UNC5D: variants seen among roughly 807,000 people sequenced by gnomAD.
The protein encoded by UNC5D is unc-5 netrin receptor D, also known as netrin receptor UNC5D.
In UNC5D, 39 loss-of-function variants were observed where a neutral mutation model predicts 105.4. The ratio of observed to expected loss-of-function variants is 0.37; its 90% confidence interval spans 0.29 to 0.48. The LOEUF is 0.48. Among genes scored for constraint, UNC5D ranks in the 20% least tolerant of loss-of-function variants. UNC5D has a pLI of 0.98. For synonymous variants in UNC5D, 452 were observed against 450.4 expected, an observed-to-expected ratio of 1.00 and a Z score of -0.04; for missense variants, 991 against 1,202.4, an observed-to-expected ratio of 0.82 and a Z score of 2.60.
intron 1 of UNC5D, among the ~76,000 whole-genome samples, chr8:35,413,278 TG>T: frequency 4.8e-5 from 1 of 20,950 alleles, no homozygotes; most frequent in African/African-American, 9.6e-5. Context: ...TGTGTGTGTG[TG>T]TGTGTGTGTG....
chr8:35,304,014 C>G (rs565844084), intron 1 of UNC5D, among the ~76,000 whole-genome samples: 1 of 152,180 alleles, frequency 6.6e-6, no homozygotes, highest in East Asian at 1.9e-4. Flanking sequence ...GACTGCATTT[C>G]TCAAAGGGAC....
chr8:35,521,688 G>C (rs896167317), intron 1 of UNC5D, among the ~76,000 whole-genome samples: 2 of 152,090 alleles, frequency 1.3e-5, no homozygotes, highest in Non-Finnish European at 2.9e-5. Context: ...TTGTTTGGTG[G>C]GAATTTCAAT....
chr8:35,594,294 G>C (rs2130896360), intron 3 of UNC5D, among the ~76,000 whole-genome samples: 1 of 152,318 alleles, frequency 6.6e-6, no homozygotes, highest in Middle Eastern at 3.4e-3. Context: ...TACATGGCTT[G>C]CCGTGCTTGT....
intron 1 of UNC5D, among the ~76,000 whole-genome samples, chr8:35,246,776 G>C (rs952325431): frequency 6.6e-6 from 1 of 152,038 alleles, no homozygotes; most frequent in South Asian, 2.1e-4. Flanking sequence ...GGAGCCAGTT[G>C]GTCCTCATTT....
intron 1 of UNC5D, among the ~76,000 whole-genome samples, chr8:35,313,906 A>G (rs1809085323): frequency 6.6e-6 from 1 of 152,174 alleles, no homozygotes; most frequent in Admixed American, 6.5e-5. Flanking sequence ...CATTATTTTA[A>G]CTTTTGTTAA....
chr8:35,450,654 G>T (rs78428535), intron 1 of UNC5D, among the ~76,000 whole-genome samples: 1,618 of 152,202 alleles, frequency 0.011, 34 homozygotes, highest in African/African-American at 0.036. Flanking sequence ...ACGGTAATCT[G>T]CATTTTCCTC....
intron 1 of UNC5D, among the ~76,000 whole-genome samples, chr8:35,534,001 C>G (rs545314303): frequency 6.7e-6 from 1 of 149,838 alleles, no homozygotes; most frequent in Admixed American, 6.9e-5. Flanking sequence ...AGAAATCACC[C>G]GTCTTCTGCG....
intron 1 of UNC5D, among the ~76,000 whole-genome samples, chr8:35,444,121 TTCG>T (rs1481179654): frequency 1.3e-5 from 2 of 152,022 alleles, no homozygotes; most frequent in African/African-American, 4.8e-5. Context: ...TCTCTGAATG[TTCG>T]TCCTCCATAC....
chr8:35,357,220 T>C (rs1035391230), intron 1 of UNC5D, among the ~76,000 whole-genome samples: 1 of 152,188 alleles, frequency 6.6e-6, no homozygotes, highest in Non-Finnish European at 1.5e-5. Context: ...TCAGCTTAAA[T>C]TCCTTTAATT....
chr8:35,641,351 GA>G (rs1219579819), intron 4 of UNC5D, among the ~76,000 whole-genome samples: 5 of 4,588 alleles, frequency 1.1e-3, no homozygotes, highest in South Asian at 4.9e-3. Flanking sequence ...TGCCAAACAA[GA>G]AAAAAAAATA....
At chr8:35,287,595 A>G (rs1563282054) in intron 1 of UNC5D, among the ~76,000 whole-genome samples, 1 of 151,700 alleles carries the variant, frequency 6.6e-6, no homozygotes, top group Non-Finnish European at 1.5e-5. Context: ...GGAGTTCAAG[A>G]CCAGACTAAG....
intron 1 of UNC5D, among the ~76,000 whole-genome samples, chr8:35,535,585 A>G (rs1306461592): frequency 1.3e-5 from 2 of 152,030 alleles, no homozygotes; most frequent in Non-Finnish European, 2.9e-5. Flanking sequence ...AAGAGCATCC[A>G]GGTCTCTAGA....
At chr8:35,401,162 A>G (rs1050508319) in intron 1 of UNC5D, among the ~76,000 whole-genome samples, 4 of 152,162 alleles carry the variant, frequency 2.6e-5, no homozygotes, top group South Asian at 2.1e-4. Context: ...AGATACTGCT[A>G]TAAAAAACAA....
At chr8:35,456,925 A>G (rs1395597129) in intron 1 of UNC5D, among the ~76,000 whole-genome samples, 1 of 152,182 alleles carries the variant, frequency 6.6e-6, no homozygotes, top group Non-Finnish European at 1.5e-5. Flanking sequence ...CTCCCTTTTA[A>G]CTTAGCAGCT....
intron 11 of UNC5D, among the ~76,000 whole-genome samples, chr8:35,742,842 G>A (rs940412673): frequency 1.3e-5 from 2 of 152,188 alleles, no homozygotes; most frequent in Admixed American, 6.5e-5. Flanking sequence ...GATGGGTGCT[G>A]TAGGATGTTA....
rs188194112 is a variant in UNC5D at position 35,599,437 on chromosome 8, G to A, written c.570+3780G>A. On this transcript the variant is annotated intron_variant, in intron 4 of 16. Transcript: ENST00000404895. ...ATTATTTAGCCTTATTTAGCCATTC[G>A]ACAGTACACACATATTTCAAAACAT... Among the ~76,000 whole-genome samples the A allele has an allele frequency of 6.6e-3, 1,001 of 152,162 alleles. 6 individuals are homozygous for A. Among genetic ancestry groups the A allele is most frequent in the Non-Finnish European group, 9.6e-3 (655 of 68,010 alleles).
intron 1 of UNC5D, among the ~76,000 whole-genome samples, chr8:35,243,091 G>A (rs923824378): frequency 5.9e-5 from 9 of 152,108 alleles, no homozygotes; most frequent in Non-Finnish European, 8.8e-5. Context: ...ATAAACCTGG[G>A]GAGGGGCCTG....
chr8:35,764,809 A>C (rs1425025734), intron 14 of UNC5D, among the ~76,000 whole-genome samples: 1 of 152,188 alleles, frequency 6.6e-6, no homozygotes, highest in African/African-American at 2.4e-5. Context: ...TCCCCAGACA[A>C]TAGCCTCCCT....
intron 1 of UNC5D, among the ~76,000 whole-genome samples, chr8:35,426,622 G>T (rs747088743): frequency 6.6e-6 from 1 of 152,114 alleles, no homozygotes; most frequent in Non-Finnish European, 1.5e-5. Flanking sequence ...ATGTCCTTTT[G>T]TATTTCTTAA....
Sources: gnomAD v4.1 joint callset for allele counts (sites outside exome capture counted in the v4.1 genomes callset) on GRCh38, gnomAD v4.1.1 for gene constraint, MANE v1.5 for transcripts, NCBI Gene and HGNC (gene_info 2026-07-23, HGNC 2026-07-21) for gene names.